The following IL18R1 variants were observed in gnomAD, a reference collection of about 807,000 sequenced individuals.
The protein encoded by IL18R1 is interleukin-18 receptor 1.
In IL18R1, 40 loss-of-function variants were observed where a neutral mutation model predicts 48.5. The ratio of observed to expected loss-of-function variants is 0.82; its 90% CI spans 0.64 to 1.07. IL18R1 has a LOEUF of 1.07. IL18R1 is among the 50% of genes least tolerant of loss of function. IL18R1 has a pLI of 0.00. For synonymous variants in IL18R1, 232 were observed against 225.9 expected, an observed-to-expected ratio of 1.03 and a Z score of -0.24; for missense variants, 596 against 633.7, an observed-to-expected ratio of 0.94 and a Z score of 0.64.
chr2:102,386,130 G>A (rs768005756), intron 7 of IL18R1, among the ~76,000 whole-genome samples: 17 of 152,160 alleles, frequency 1.1e-4, no homozygotes, highest in South Asian at 1.0e-3. Context: ...TCTGTGTCCC[G>A]GGTCCTAGAT....
chr2:102,368,157 A>G (rs1573192009), intron 3 of IL18R1, 89 bp downstream of exon 3: 2 of 1,403,676 alleles, frequency 1.4e-6, no homozygotes, highest in East Asian at 2.3e-5. Flanking sequence ...GAAAGGTCAG[A>G]TAATCACCAC....
chr2:102,389,928 T>C, intron 8 of IL18R1, 128 bp from the exon 9 acceptor site: 2 of 712,326 alleles, frequency 2.8e-6, no homozygotes, highest in Non-Finnish European at 4.7e-6. Flanking sequence ...CTCAGTGGAA[T>C]GTGTCAGCAC....
chr2:102,371,041 A>AC (rs1679220536), intron 3 of IL18R1, among the ~76,000 whole-genome samples: 1 of 11,868 alleles, frequency 8.4e-5, no homozygotes, highest in Non-Finnish European at 1.2e-4. Flanking sequence ...ATTCCAGATC[A>AC]CCTTTTTTTG....
In IL18R1 at chr2:102,390,999, G is replaced by A. The variant is rs985426163; in HGVS notation, c.1111+782G>A. On this transcript the variant is annotated intron_variant, in intron 9 of 10. Coordinates refer to ENST00000233957, the MANE Select transcript of IL18R1 (RefSeq NM_003855.5). The stretch of plus-strand genomic sequence containing the variant: ...TGGAAGCCAAATGATCTGGAATCAT[G>A]TCTCCTAGACCTGCCAGTTTTTATC... 3.1e-4 allele frequency among the ~76,000 whole-genome samples: 46 copies of A among 148,782 alleles called. 1 individual carries two copies. Among genetic ancestry groups the A allele is most frequent in the Non-Finnish European group, 1.5e-5 (1 of 67,294 alleles).
chr2:102,368,154 C>T (rs1679025335), intron 3 of IL18R1, 86 bp downstream of exon 3: 2 of 1,424,226 alleles, frequency 1.4e-6, no homozygotes, highest in Non-Finnish European at 2.0e-6. Flanking sequence ...TCTGAAAGGT[C>T]AGATAATCAC....
intron 3 of IL18R1, among the ~76,000 whole-genome samples, chr2:102,371,066 G>GTTGTTT (rs1679225755): frequency 6.6e-6 from 1 of 151,280 alleles, no homozygotes; most frequent in African/African-American, 2.4e-5. Flanking sequence ...TGTTGTTGTT[G>GTTGTTT]TTTTTTTGAG....
intron 2 of IL18R1, among the ~76,000 whole-genome samples, chr2:102,365,695 C>T (rs1350683764): frequency 6.6e-6 from 1 of 152,182 alleles, no homozygotes; most frequent in African/African-American, 2.4e-5. Flanking sequence ...GGGTTCCACC[C>T]CTGCAGCAAA....
chr2:102,368,569 G>A (rs910729211), intron 3 of IL18R1, among the ~76,000 whole-genome samples: 4 of 152,132 alleles, frequency 2.6e-5, no homozygotes, highest in African/African-American at 9.7e-5. Flanking sequence ...GTGTGTGTCT[G>A]GCAGCCAATC....
In IL18R1 at chr2:102,382,254, G is replaced by A. The variant is rs183148757; in HGVS notation, c.688+572G>A. 4.3e-4 allele frequency among the ~76,000 whole-genome samples: 65 copies of A among 151,990 alleles called. 1 individual carries two copies. The highest frequency in any genetic ancestry group is 3.6e-3 in the Admixed American group (55 of 15,266). On this transcript the variant is annotated intron_variant, in intron 6 of 10. Transcript: ENST00000233957. ...ACCACTGCACTCCAGCCTGGGCAAC[G>A]GAGCAAGACTCTATCTCAAAAATAA... is the stretch of plus-strand genomic sequence containing the variant.
chr2:102,369,102 G>T (rs991221479), intron 3 of IL18R1, among the ~76,000 whole-genome samples: 1 of 152,088 alleles, frequency 6.6e-6, no homozygotes, highest in Non-Finnish European at 1.5e-5. Flanking sequence ...TTACAGAAAT[G>T]GGTCACAACT....
chr2:102,375,809 T>C, intron 4 of IL18R1, 98 bp from the exon 5 acceptor site: 1 of 752,740 alleles, frequency 1.3e-6, no homozygotes, highest in Non-Finnish European at 2.0e-6. Flanking sequence ...CATTCTTTTT[T>C]CCTTTTTCTC....
intron 10 of IL18R1, among the ~76,000 whole-genome samples, chr2:102,396,319 T>C (rs1048393839): frequency 6.6e-6 from 1 of 152,132 alleles, no homozygotes; most frequent in African/African-American, 2.4e-5. Flanking sequence ...TAAGGTATGG[T>C]ACATAATAAG....
intron 9 of IL18R1, among the ~76,000 whole-genome samples, chr2:102,391,051 A>C (rs371115404): frequency 6.6e-6 from 1 of 151,942 alleles, no homozygotes; most frequent in Admixed American, 6.6e-5. Flanking sequence ...CGCTGGCTCT[A>C]TGCCTCAGTT....
rs571849472 is a variant in IL18R1, at chr2:102,357,223, A to G, written c.-29+823A>G. On this transcript the variant is annotated intron_variant, in intron 1 of 10. Transcript: ENST00000233957. ...GCTAAGGCCTAGGAATGTGGATTGA[A>G]AAGGCAGGGTCTAAATCCCAGCACT... Among the ~76,000 whole-genome samples the G allele has an allele frequency of 2.0e-5, 3 of 152,232 alleles. No individual in the cohort carries two copies. In the South Asian group the frequency reaches 6.2e-4, roughly 32 times the overall value.
Position 102,381,544 on chromosome 2 carries a change from A to G in IL18R1, c.626-76A>G, listed in dbSNP as rs1296661674. On this transcript the variant is annotated intron_variant, in intron 5 of 10. Transcript: ENST00000233957. ...GGAATCTTTGTTACATGAAATGAGCATATTATCATAGATGCTTGTCATAAA... is the reference window on the plus strand; with the variant it reads ...GGAATCTTTGTTACATGAAATGAGCGTATTATCATAGATGCTTGTCATAAA... 8 of 1,015,560 alleles carry G rather than the reference A, an allele frequency of 7.9e-6. No individual in the cohort carries two copies. In the East Asian group the frequency reaches 1.9e-4, roughly 24 times the overall value. The allele number at this position is 1,015,560 out of a possible 1,614,324, so 62.9% of individuals were successfully genotyped here. A position where few individuals can be genotyped will look rare whatever the true frequency, so the allele number is the denominator to read the frequency against.
rs1679294480 is a variant in IL18R1, at chr2:102,372,014, G to A, written c.364G>A (p.Glu122Lys). 2 of 1,592,214 alleles carry A rather than the reference G, an allele frequency of 1.3e-6. No individual in the cohort carries two copies. Among genetic ancestry groups the A allele is most frequent in the African/African-American group, 1.3e-5 (1 of 74,114 alleles). The change falls in exon 4 of 11, where the codon GAA (glutamate) becomes AAA (lysine). Residue 122 changes from glutamate (E) to lysine (K), a missense_variant. Glu to Lys is a moderately conservative substitution (Grantham distance 56). This residue lies in a region of IL18R1 where 360 missense variants were observed against 339.4 expected (regional missense o/e 1.06). Coordinates refer to ENST00000233957, the MANE Select transcript of IL18R1 (RefSeq NM_003855.5). ...AAGAAATAAACACAGCTGTTTCACT[G>A]AAAGACAAGTAACTAGTAAAATTGT... ...IRRNKHSCFT[E>K]RQVTSKIVEV...
At chr2:102,386,074 T>A in intron 7 of IL18R1, among the ~76,000 whole-genome samples, 1 of 152,222 alleles carries the variant, frequency 6.6e-6, no homozygotes, top group East Asian at 1.9e-4. Context: ...AGGAAAAGAA[T>A]TACATTCCAA....
At chr2:102,371,255 C>T (rs1679243201) in intron 3 of IL18R1, among the ~76,000 whole-genome samples, 1 of 152,118 alleles carries the variant, frequency 6.6e-6, no homozygotes, top group Admixed American at 6.5e-5. Flanking sequence ...AAACTCCTGA[C>T]CTCAGGTGAT....
At chr2:102,381,187 C>A (rs368933612) in intron 5 of IL18R1, among the ~76,000 whole-genome samples, 1 of 152,198 alleles carries the variant, frequency 6.6e-6, no homozygotes, top group South Asian at 2.1e-4. Flanking sequence ...TGCAAGGGAA[C>A]GGTGGGCACA....
Sources: gnomAD v4.1 joint callset for allele counts (sites outside exome capture counted in the v4.1 genomes callset) on GRCh38, gnomAD v4.1.1 for gene constraint, gnomAD v4.1.1 regional missense constraint, MANE v1.5 for transcripts, NCBI Gene and HGNC (gene_info 2026-07-23, HGNC 2026-07-21) for gene names.